TMEM74: variants seen among roughly 807,000 people sequenced by gnomAD.
The protein encoded by TMEM74 is transmembrane protein 74.
TMEM74 carries 13 observed loss-of-function variants against 18.1 expected under a neutral mutation model. The observed-to-expected ratio is 0.72, with a 90% CI of 0.47 to 1.14. The LOEUF (loss-of-function observed/expected upper bound fraction) is 1.14, where lower values mean the gene tolerates loss of function less well. TMEM74 is among the 50% of genes most tolerant of loss of function. TMEM74 has a pLI of 0.00. For synonymous variants in TMEM74, 159 were observed against 146.6 expected (o/e 1.08, Z -0.61); for missense variants, 372 against 375.9 (o/e 0.99, Z 0.09).
At chr8:108,688,330 A>G (rs1293911535) in intron 1 of TMEM74, among the ~76,000 whole-genome samples, 1 of 152,240 alleles carries the variant, frequency 6.6e-6, no homozygotes, top group African/African-American at 2.4e-5. Context: ...TTTCTTAGAT[A>G]CTGCCCTTGA....
chr8:108,673,831 T>C (rs1459555310), intron 1 of TMEM74, among the ~76,000 whole-genome samples: 3 of 152,232 alleles, frequency 2.0e-5, no homozygotes, highest in Admixed American at 1.3e-4. Context: ...CCAGTTCTGC[T>C]GTGAGGAATA....
intron 1 of TMEM74, among the ~76,000 whole-genome samples, chr8:108,665,126 AG>A (rs1233943718): frequency 2.6e-5 from 4 of 152,232 alleles, no homozygotes; most frequent in Admixed American, 2.6e-4. Context: ...AGTGAATTAC[AG>A]TGGAACAAGC....
At chr8:108,626,110 A>G (rs1463301730) in intron 2 of TMEM74, among the ~76,000 whole-genome samples, 1 of 152,028 alleles carries the variant, frequency 6.6e-6, no homozygotes, top group Non-Finnish European at 1.5e-5. Flanking sequence ...ATGACTCAAG[A>G]CAAATTTCTT....
chr8:108,724,688 C>T (rs1351476876), intron 1 of TMEM74, among the ~76,000 whole-genome samples: 1 of 152,152 alleles, frequency 6.6e-6, no homozygotes, highest in South Asian at 2.1e-4. Flanking sequence ...TATACCTAGA[C>T]TAAAGCACCT....
At chr8:108,686,416 A>G (rs532095038) in intron 1 of TMEM74, among the ~76,000 whole-genome samples, 3 of 151,960 alleles carry the variant, frequency 2.0e-5, no homozygotes, top group Non-Finnish European at 2.9e-5. Context: ...GTTAGCCAGG[A>G]TGGTCTCGAT....
At chr8:108,615,135 T>C (rs1812370768) in intron 2 of TMEM74, among the ~76,000 whole-genome samples, 1 of 152,134 alleles carries the variant, frequency 6.6e-6, no homozygotes, top group Admixed American at 6.5e-5. Flanking sequence ...GCTTAATAAA[T>C]CATCAGTTCC....
Position 108,703,558 on chromosome 8 carries a change from C to G in TMEM74, n.120-48121G>C, listed in dbSNP as rs78580523. On this transcript the variant is annotated intron_variant and non_coding_transcript_variant, in intron 1 of 3. Coordinates refer to the TMEM74 transcript ENST00000518838. ...AGAGAGCTACAGATGTACAGAACTG[C>G]ATTAGGGTCATAGAAGGAGGGATGA... 9.0e-3 allele frequency among the ~76,000 whole-genome samples: 1,372 copies of G among 152,250 alleles called. 11 individuals are homozygous for G. Among genetic ancestry groups the G allele is most frequent in the South Asian group, 0.02 (95 of 4,818 alleles).
Position 108,783,623 on chromosome 8 carries a change from T to C in TMEM74, c.*558A>G, listed in dbSNP as rs561572449. 2 of 152,314 alleles carry C rather than the reference T, an allele frequency of 1.3e-5. No individual in the cohort carries two copies. The highest frequency in any genetic ancestry group is 4.1e-4 in the South Asian group (2 of 4,830). The allele number at this position is 152,314 out of a possible 1,614,324, so 9.4% of individuals were successfully genotyped here. ...CAGGAATAATTTCAAACATAACATTTTTTACAATAAGGAAAGCCCAACATC... is the reference window on the plus strand; with the variant it reads ...CAGGAATAATTTCAAACATAACATTCTTTACAATAAGGAAAGCCCAACATC... On this transcript the variant is annotated 3_prime_UTR_variant, in exon 2 of 2. Transcript: ENST00000297459.
rs1813794008 is a variant in TMEM74, at chr8:108,740,902, T to G, written n.119+46574A>C. On this transcript the variant is annotated intron_variant and non_coding_transcript_variant, in intron 1 of 3. Coordinates refer to the TMEM74 transcript ENST00000518838. ...TGTGCAAAATAGTTCACAGTGTCAT[T>G]GTTTGTATTGGAAGAAAAGCTGGAA... Among the ~76,000 whole-genome samples, 3 of 152,302 alleles carry G rather than the reference T, an allele frequency of 2.0e-5. No homozygotes were observed. The East Asian group carries it at 5.8e-4, about 29-fold the overall frequency.
chr8:108,701,920 G>T (rs910177506), intron 1 of TMEM74, among the ~76,000 whole-genome samples: 33 of 152,050 alleles, frequency 2.2e-4, no homozygotes, highest in Non-Finnish European at 7.4e-5. Context: ...AGTTAATATG[G>T]AGTGGTAAAA....
At chr8:108,644,107 T>A (rs1812692618) in intron 2 of TMEM74, among the ~76,000 whole-genome samples, 1 of 152,030 alleles carries the variant, frequency 6.6e-6, no homozygotes, top group African/African-American at 2.4e-5. Flanking sequence ...AACTGTAACA[T>A]AAGACTACAG....
rs571868185 is a variant in TMEM74, at chr8:108,737,268, C to T, written n.119+50208G>A. 3.9e-5 allele frequency among the ~76,000 whole-genome samples: 6 copies of T among 152,070 alleles called. No individual in the cohort carries two copies. The South Asian group carries it at 8.3e-4, about 21-fold the overall frequency. ...AAACTTCTTAGGGTACTGATGAGGACGTAATATGTATAAAGTGCATGGGAT... is the reference window on the plus strand; with the variant it reads ...AAACTTCTTAGGGTACTGATGAGGATGTAATATGTATAAAGTGCATGGGAT... On this transcript the variant is annotated intron_variant and non_coding_transcript_variant, in intron 1 of 3. Transcript: ENST00000518838.
intron 1 of TMEM74, among the ~76,000 whole-genome samples, chr8:108,658,325 C>T (rs1812866701): frequency 6.6e-6 from 1 of 152,016 alleles, no homozygotes; most frequent in Non-Finnish European, 1.5e-5. Context: ...TAATCAGGAA[C>T]ATTGGCATAT....
intron 1 of TMEM74, among the ~76,000 whole-genome samples, chr8:108,695,308 C>T (rs7826657): frequency 0.43 from 65,954 of 151,970 alleles, 14,606 homozygotes; most frequent in East Asian, 0.57. Context: ...ATGCAAATTT[C>T]GAACACCAAG....
rs1432246603 is a variant in TMEM74, at chr8:108,785,941, G to T, written c.-39-804C>A. On this transcript the variant is annotated intron_variant, in intron 1 of 1. Coordinates refer to ENST00000297459, the MANE Select transcript of TMEM74 (RefSeq NM_153015.3). Reference sequence around the variant, plus strand: ...TACGGCAATCCCTGCAAAATACAATGGGCCAACCCACTCCTCCACACACAC... The same window carrying T: ...TACGGCAATCCCTGCAAAATACAATTGGCCAACCCACTCCTCCACACACAC... Among the ~76,000 whole-genome samples, 6 of 152,240 alleles carry T rather than the reference G, an allele frequency of 3.9e-5. 1 individual carries two copies. Among genetic ancestry groups the T allele is most frequent in the Non-Finnish European group, 4.4e-5 (3 of 68,006 alleles).
intron 1 of TMEM74, among the ~76,000 whole-genome samples, chr8:108,724,323 A>G (rs544099195): frequency 1.3e-5 from 2 of 152,270 alleles, no homozygotes; most frequent in South Asian, 4.1e-4. Flanking sequence ...ATTTTGTGTG[A>G]ACAGTGACAG....
chr8:108,629,993 T>C (rs767050001), intron 2 of TMEM74, among the ~76,000 whole-genome samples: 1 of 152,066 alleles, frequency 6.6e-6, no homozygotes, highest in Non-Finnish European at 1.5e-5. Context: ...AATATTAACC[T>C]TAAATGTAAA....
intron 1 of TMEM74, among the ~76,000 whole-genome samples, chr8:108,712,560 T>C (rs1409621162): frequency 2.0e-5 from 3 of 152,138 alleles, no homozygotes; most frequent in Non-Finnish European, 2.9e-5. Flanking sequence ...TGAGTACGCA[T>C]ATCAGGCTGC....
chr8:108,749,519 G>A (rs1352259838), intron 1 of TMEM74, among the ~76,000 whole-genome samples: 1 of 152,178 alleles, frequency 6.6e-6, no homozygotes, highest in African/African-American at 2.4e-5. Context: ...AGACTTTGCT[G>A]AAGTTGCCTA....
Sources: allele counts gnomAD v4.1 joint callset (sites outside exome capture counted in the v4.1 genomes callset), GRCh38; gene constraint gnomAD v4.1.1; transcripts MANE v1.5; gene names NCBI Gene and HGNC (gene_info 2026-07-23, HGNC 2026-07-21).